Variants in HEXB observed in about 807,000 individuals in gnomAD.
HEXB encodes beta-hexosaminidase subunit beta.
Under a neutral mutation model 71.2 loss-of-function variants are expected in HEXB, and 51 were observed. The observed-to-expected ratio is 0.72, with a 90% confidence interval of 0.57 to 0.90. The LOEUF (loss-of-function observed/expected upper bound fraction) is 0.90, where lower values mean the gene tolerates loss of function less well. Among genes scored for constraint, HEXB ranks in the 40% least tolerant of loss-of-function variants. HEXB has a pLI of 0.00. For synonymous variants in HEXB, 266 were observed against 249.3 expected (o/e 1.07, Z -0.63); for missense variants, 617 against 677.0 (o/e 0.91, Z 0.98).
In HEXB at chr5:74,719,954, A is replaced by AAAAAC. The variant is rs71600437; in HGVS notation, c.1418-473_1418-472insAAACA. The AAAAAC allele has an allele frequency of 4.3e-3, 685 of 158,438 alleles. 8 individuals are homozygous for AAAAAC. The highest frequency in any genetic ancestry group is 6.9e-3 in the Non-Finnish European group (505 of 72,974). 9.8% of individuals were successfully genotyped at this position (158,438 alleles called of 1,614,324 possible). ...AGACTCCATCTCAAAAAAAAAAAAA[A>AAAAAC]ACACACACATTAAGTATTCAATTTC... On this transcript the variant is annotated intron_variant, in intron 11 of 13. Transcript: ENST00000261416.
chr5:74,694,325 T>C (rs1749064351), intron 3 of HEXB, among the ~76,000 whole-genome samples: 1 of 152,230 alleles, frequency 6.6e-6, no homozygotes, highest in Non-Finnish European at 1.5e-5. Context: ...ATTAGGGAAT[T>C]TTGTTTCAGC....
intron 1 of HEXB, among the ~76,000 whole-genome samples, chr5:74,643,093 T>C (rs538181361): frequency 7.2e-5 from 11 of 152,310 alleles, no homozygotes; most frequent in African/African-American, 2.6e-4. Flanking sequence ...AGAACTAAAC[T>C]TGCAAGTTTG....
chr5:74,705,091 C>CAAAA (rs10644603), intron 5 of HEXB, 128 bp from the exon 6 acceptor site: 13 of 441,960 alleles, frequency 2.9e-5, no homozygotes, highest in African/African-American at 1.1e-4. Flanking sequence ...GACCCTGTCT[C>CAAAA]AAAAAAAAAA....
At chr5:74,721,081 A>AATCAATCTAAAATATCTTT (rs1749840906) in intron 13 of HEXB, 37 bp from the exon 14 acceptor site, 1 of 1,488,846 alleles carries the variant, frequency 6.7e-7, no homozygotes, top group Non-Finnish European at 9.4e-7. Flanking sequence ...TATCAATCTA[A>AATCAATCTAAAATATCTTT]ATCAATCTAA....
chr5:74,706,818 C>A (rs1430613838), intron 6 of HEXB, among the ~76,000 whole-genome samples: 1 of 152,170 alleles, frequency 6.6e-6, no homozygotes, highest in Admixed American at 6.5e-5. Flanking sequence ...TGGAGCCCAC[C>A]ACAGCTCAAG....
chr5:74,688,795 T>C (rs1166172755), intron 1 of HEXB, among the ~76,000 whole-genome samples: 2 of 152,184 alleles, frequency 1.3e-5, no homozygotes, highest in African/African-American at 4.8e-5. Context: ...CATTAGGATG[T>C]CCAAAAGTAG....
chr5:74,645,157 T>G (rs940072264), intron 1 of HEXB, among the ~76,000 whole-genome samples: 1 of 100,612 alleles, frequency 9.9e-6, no homozygotes, highest in Non-Finnish European at 2.2e-5. Context: ...ATTATGTGTG[T>G]CACCTTATGT....
chr5:74,702,067 C>CTTTTTTTTTTTTTTTTTTTTTTTTTT (rs60295789), intron 5 of HEXB, among the ~76,000 whole-genome samples: 1 of 60,554 alleles, frequency 1.7e-5, no homozygotes, highest in Non-Finnish European at 2.9e-5. Flanking sequence ...CTTTCCTTGT[C>CTTTTTTTTTTTTTTTTTTTTTTTTTT]TTTTTTTTTT....
chr5:74,657,511 A>G (rs1244026698), intron 1 of HEXB, among the ~76,000 whole-genome samples: 4 of 152,130 alleles, frequency 2.6e-5, no homozygotes, highest in African/African-American at 9.7e-5. Context: ...ACTTATCACC[A>G]CTTCACAATG....
intron 1 of HEXB, among the ~76,000 whole-genome samples, chr5:74,645,043 A>G (rs2112065627): frequency 6.6e-6 from 1 of 152,164 alleles, no homozygotes; most frequent in South Asian, 2.1e-4. Context: ...AAGTGCTGGG[A>G]TTACAGGTGT....
Position 74,689,336 on chromosome 5 carries a change from G to A in HEXB, c.308G>A (p.Gly103Asp). The change falls in exon 2 of 14, where the codon GGC becomes GAC. Residue 103 changes from glycine (G) to aspartate (D), a missense_variant. By Grantham distance (94) the Gly-to-Asp change is moderately conservative. Coordinates refer to ENST00000261416, the MANE Select transcript of HEXB (RefSeq NM_000521.4). ...LLEEAFRRYH[G>D]YIFGFYKWHH... ...ATTTATTTCTCAAACAGATATCATGGCTATATTTTTGGTTTCTACAAGTGG... is the reference window on the plus strand; with the variant it reads ...ATTTATTTCTCAAACAGATATCATGACTATATTTTTGGTTTCTACAAGTGG... 1.2e-6 allele frequency: 2 copies of A among 1,612,710 alleles called. No homozygotes were observed. The highest frequency in any genetic ancestry group is 8.5e-7 in the Non-Finnish European group (1 of 1,178,756).
At chr5:74,707,482 T>C (rs1460158102) in intron 6 of HEXB, among the ~76,000 whole-genome samples, 2 of 151,870 alleles carry the variant, frequency 1.3e-5, no homozygotes, top group African/African-American at 4.8e-5. Context: ...CTTCAGAAGA[T>C]CAAACTACGA....
chr5:74,649,222 G>T (rs1272804806), intron 1 of HEXB, among the ~76,000 whole-genome samples: 1 of 152,120 alleles, frequency 6.6e-6, no homozygotes, highest in Non-Finnish European at 1.5e-5. Flanking sequence ...GGCTAGCAGA[G>T]GGCACAGCTG....
chr5:74,700,336 C>T (rs1486952535), intron 5 of HEXB, among the ~76,000 whole-genome samples: 1 of 151,670 alleles, frequency 6.6e-6, no homozygotes, highest in Non-Finnish European at 1.5e-5. Flanking sequence ...TTTATTTTGT[C>T]GTCTAGAATG....
At chr5:74,693,997 A>C (rs1051344353) in intron 3 of HEXB, among the ~76,000 whole-genome samples, 2 of 152,262 alleles carry the variant, frequency 1.3e-5, no homozygotes, top group South Asian at 2.1e-4. Context: ...CATCTCTACA[A>C]AAAGTACACA....
intron 5 of HEXB, among the ~76,000 whole-genome samples, chr5:74,702,110 G>A (rs1386079457): frequency 2.0e-5 from 2 of 98,238 alleles, no homozygotes; most frequent in South Asian, 7.8e-4. Context: ...ACGGAGTCTC[G>A]CTCTGTCGCC....
At chr5:74,684,678 T>C (rs820873), upstream of HEXB, among the ~76,000 whole-genome samples, 67,309 of 134,864 alleles carry the variant, frequency 0.5, 16,387 homozygotes, top group Non-Finnish European at 0.56. Flanking sequence ...TCTTTTCTTT[T>C]TTTTTTTTTT....
At chr5:74,671,212 T>C (rs1748532240) in intron 1 of HEXB, among the ~76,000 whole-genome samples, 1 of 152,118 alleles carries the variant, frequency 6.6e-6, no homozygotes, top group African/African-American at 2.4e-5. Context: ...AATAATCGTC[T>C]CCTCATTAAT....
intron 1 of HEXB, among the ~76,000 whole-genome samples, chr5:74,645,112 A>T (rs779990249): frequency 7.9e-5 from 12 of 152,016 alleles, no homozygotes; most frequent in Non-Finnish European, 1.2e-4. Context: ...AATTGGTTTG[A>T]TCATATTTTA....
Sources: allele counts gnomAD v4.1 joint callset (sites outside exome capture counted in the v4.1 genomes callset), GRCh38; gene constraint gnomAD v4.1.1; transcripts MANE v1.5; gene names NCBI Gene and HGNC (gene_info 2026-07-23, HGNC 2026-07-21).